VOPP1: variants seen among roughly 807,000 people sequenced by gnomAD.
VOPP1 encodes the protein WW domain binding protein VOPP1.
VOPP1 carries 8 observed loss-of-function variants against 23.5 expected under a neutral mutation model. The ratio of observed to expected loss-of-function variants is 0.34; its 90% confidence interval spans 0.20 to 0.61. VOPP1 has a LOEUF of 0.61. VOPP1 is among the 20% of genes least tolerant of loss of function. VOPP1 has a pLI of 0.78. For synonymous variants in VOPP1, 83 were observed against 97.3 expected, an observed-to-expected ratio of 0.85 and a Z score of 0.86; for missense variants, 174 against 238.1, an observed-to-expected ratio of 0.73 and a Z score of 1.77.
intron 2 of VOPP1, among the ~76,000 whole-genome samples, chr7:55,505,393 G>T (rs1473949334): frequency 6.6e-6 from 1 of 152,070 alleles, no homozygotes; most frequent in African/African-American, 2.4e-5. Flanking sequence ...AAGAAAGAAG[G>T]TTGCACCACG....
At chr7:55,466,261 T>C (rs1390984145), downstream of VOPP1, among the ~76,000 whole-genome samples, 1 of 152,168 alleles carries the variant, frequency 6.6e-6, no homozygotes, top group African/African-American at 2.4e-5. Context: ...CTGAACACAT[T>C]GTGACAAGAA....
chr7:55,538,844 AT>A (rs1201561375), intron 1 of VOPP1, among the ~76,000 whole-genome samples: 1 of 151,454 alleles, frequency 6.6e-6, no homozygotes, highest in Non-Finnish European at 1.5e-5. Context: ...GAGAAACAAG[AT>A]GCAGAACACT....
chr7:55,491,548 C>T (rs1360437718), intron 4 of VOPP1, among the ~76,000 whole-genome samples: 1 of 152,198 alleles, frequency 6.6e-6, no homozygotes, highest in Non-Finnish European at 1.5e-5. Context: ...GCCGAGCCAG[C>T]CCAGCCCTCC....
At chr7:55,453,365 T>C (rs190109320) in intron 4 of VOPP1, among the ~76,000 whole-genome samples, 12 of 152,378 alleles carry the variant, frequency 7.9e-5, no homozygotes, top group African/African-American at 2.4e-4. Flanking sequence ...GAGGCCTAGC[T>C]TTCAGCCTGT....
At chr7:55,516,626 T>G (rs117244869) in intron 2 of VOPP1, among the ~76,000 whole-genome samples, 1,670 of 152,218 alleles carry the variant, frequency 0.011, 11 homozygotes, top group Middle Eastern at 0.02. Context: ...TGAAATCAGA[T>G]TATCAAATAT....
chr7:55,549,009 C>A (rs1797485987), intron 1 of VOPP1, among the ~76,000 whole-genome samples: 1 of 152,140 alleles, frequency 6.6e-6, no homozygotes, highest in South Asian at 2.1e-4. Flanking sequence ...TGAGGGCAGA[C>A]CCACCTATGA....
chr7:55,570,693 G>C (rs1798318760), intron 1 of VOPP1, among the ~76,000 whole-genome samples: 1 of 152,166 alleles, frequency 6.6e-6, no homozygotes, highest in African/African-American at 2.4e-5. Flanking sequence ...TGTAATCCTA[G>C]CACTTTGGGA....
chr7:55,552,818 G>C lies in VOPP1; in HGVS notation c.54+19453C>G, dbSNP rs1797666937. On this transcript the variant is annotated intron_variant, in intron 1 of 4. Transcript: ENST00000285279. ...AACCTCCCATGGGCTGAGTCACTCA[G>C]CCATGCTCAACCCAGAAAGGTGACG... 17 of 1,463,488 alleles carry C rather than the reference G, an allele frequency of 1.2e-5. No individual in the cohort carries two copies. The South Asian group carries it at 2.4e-4, about 20-fold the overall frequency. 90.7% of individuals were successfully genotyped at this position (1,463,488 alleles called of 1,614,324 possible). A position where few individuals can be genotyped will look rare whatever the true frequency, so the allele number is the denominator to read the frequency against.
intron 4 of VOPP1, among the ~76,000 whole-genome samples, chr7:55,462,892 G>A (rs754787884): frequency 1.3e-5 from 2 of 148,256 alleles, no homozygotes; most frequent in African/African-American, 2.4e-5. Context: ...TCCTGACCTC[G>A]TGATCCGCCC....
intron 4 of VOPP1, among the ~76,000 whole-genome samples, chr7:55,484,575 TG>T (rs1286843118): frequency 2.6e-5 from 4 of 152,088 alleles, no homozygotes; most frequent in Non-Finnish European, 5.9e-5. Context: ...TTGGGATGGG[TG>T]CCCTTGAGAA....
intron 2 of VOPP1, among the ~76,000 whole-genome samples, chr7:55,503,510 T>TA (rs1271172622): frequency 6.6e-6 from 1 of 152,152 alleles, no homozygotes; most frequent in Non-Finnish European, 1.5e-5. Context: ...TCTTTCTATG[T>TA]AAAAAAGAAA....
chr7:55,495,102 G>C (rs1014042603), intron 3 of VOPP1, among the ~76,000 whole-genome samples: 1 of 151,988 alleles, frequency 6.6e-6, no homozygotes, highest in Non-Finnish European at 1.5e-5. Flanking sequence ...CCAAGGACTG[G>C]TGCAGCTACT....
At chr7:55,557,106 C>G (rs971508011) in intron 1 of VOPP1, among the ~76,000 whole-genome samples, 28 of 152,202 alleles carry the variant, frequency 1.8e-4, no homozygotes, top group African/African-American at 5.5e-4. Flanking sequence ...GGTGGCCTAC[C>G]TCACACTTTG....
intron 2 of VOPP1, among the ~76,000 whole-genome samples, chr7:55,516,518 T>A (rs188436266): frequency 3.5e-4 from 54 of 152,262 alleles, no homozygotes; most frequent in Admixed American, 3.3e-4. Context: ...AAGAGCTCAG[T>A]CTCTGTTAGC....
At chr7:55,560,058 C>T (rs1055038480) in intron 1 of VOPP1, among the ~76,000 whole-genome samples, 1 of 152,160 alleles carries the variant, frequency 6.6e-6, no homozygotes, top group Non-Finnish European at 1.5e-5. Flanking sequence ...GAGGCTGAGG[C>T]GGGAGAATCA....
intron 1 of VOPP1, among the ~76,000 whole-genome samples, chr7:55,524,890 A>G (rs1796077891): frequency 6.6e-6 from 1 of 152,208 alleles, no homozygotes; most frequent in African/African-American, 2.4e-5. Context: ...CACCAGCACC[A>G]GGACTCAGGA....
chr7:55,445,418 A>T (rs1332223491), intron 4 of VOPP1, among the ~76,000 whole-genome samples: 2 of 152,210 alleles, frequency 1.3e-5, no homozygotes, highest in Non-Finnish European at 2.9e-5. Context: ...CCAGTATTGC[A>T]CCTGAGAAAG....
intron 1 of VOPP1, among the ~76,000 whole-genome samples, chr7:55,545,838 G>A (rs1487090948): frequency 1.3e-5 from 2 of 152,100 alleles, no homozygotes; most frequent in East Asian, 3.8e-4. Context: ...GGAGGCTGAG[G>A]TAGGCGGATC....
At chr7:55,531,603 C>T (rs147486364) in intron 1 of VOPP1, among the ~76,000 whole-genome samples, 2,452 of 152,218 alleles carry the variant, frequency 0.016, 83 homozygotes, top group African/African-American at 0.057. Flanking sequence ...CCGCCCACCT[C>T]GGCCTCCCAA....
Sources: gnomAD v4.1 joint callset for allele counts (sites outside exome capture counted in the v4.1 genomes callset) on GRCh38, gnomAD v4.1.1 for gene constraint, MANE v1.5 for transcripts, NCBI Gene and HGNC (gene_info 2026-07-23, HGNC 2026-07-21) for gene names.